SMC3: variants seen among roughly 807,000 people sequenced by gnomAD.
SMC3 encodes the protein structural maintenance of chromosomes protein 3.
A neutral mutation model predicts 171.8 loss-of-function variants in SMC3; 20 were observed. The observed-to-expected ratio is 0.12, with a 90% CI of 0.08 to 0.17. The LOEUF (loss-of-function observed/expected upper bound fraction) is 0.17, where lower values mean the gene tolerates loss of function less well. SMC3 is among the 10% of genes least tolerant of loss of function. The pLI is 1.00. For missense variants in SMC3, 543 were observed against 1,420.4 expected (o/e 0.38, Z 9.93); for synonymous variants, 464 against 451.1 (o/e 1.03, Z -0.36).
intron 1 of SMC3, 77 bp from the exon 2 acceptor site, chr10:110,568,861 A>G (rs1006099716): frequency 2.6e-6 from 2 of 760,234 alleles, no homozygotes; most frequent in African/African-American, 3.2e-5. Context: ...TTAAATGAAA[A>G]ACAAGAAAGA....
intron 18 of SMC3, among the ~76,000 whole-genome samples, chr10:110,594,241 T>G (rs1861258345): frequency 6.6e-6 from 1 of 151,644 alleles, no homozygotes; most frequent in South Asian, 2.1e-4. Flanking sequence ...AAAAGCCACA[T>G]TCAACACAAT....
chr10:110,582,651 AT>A lies in SMC3; in HGVS notation c.804+10del. The A allele has an allele frequency of 1.3e-6, 2 of 1,598,522 alleles. No individual in the cohort carries two copies. Among genetic ancestry groups the A allele is most frequent in the South Asian group, 2.2e-5 (2 of 90,690 alleles). ...CAAGAGATAAAATGGAGGTAAGATT[AT>A]AAACAAGGTTCATGTTAACTTACTT... is the stretch of plus-strand genomic sequence containing the variant. On this transcript the variant is annotated intron_variant, in intron 10 of 28. Coordinates refer to ENST00000361804, the MANE Select transcript of SMC3 (RefSeq NM_005445.4).
At position 110,588,970 on chromosome 10, in the gene SMC3, A is replaced by G. The variant is rs1228982010; in HGVS notation, c.1306-635A>G. ...TTTTTTTTCTAAAATTCTGGAGTGT[A>G]TATTATAGAAATAGGAAGATTTAGA... is the stretch of plus-strand genomic sequence containing the variant. On this transcript the variant is annotated intron_variant, in intron 13 of 28. Coordinates refer to ENST00000361804, the MANE Select transcript of SMC3 (RefSeq NM_005445.4). Among the ~76,000 whole-genome samples the G allele has an allele frequency of 3.9e-5, 6 of 152,286 alleles. No individual in the cohort carries two copies. In the East Asian group the frequency reaches 9.6e-4, roughly 24 times the overall value.
At chr10:110,600,342 C>A in intron 21 of SMC3, 97 bp from the exon 22 acceptor site, 1 of 736,042 alleles carries the variant, frequency 1.4e-6, no homozygotes, top group Non-Finnish European at 2.5e-6. Context: ...TTCATTTCAG[C>A]TCACATGAGC....
chr10:110,599,609 A>G, intron 20 of SMC3, 45 bp from the exon 21 acceptor site: 1 of 1,564,312 alleles, frequency 6.4e-7, no homozygotes, highest in Non-Finnish European at 8.8e-7. Flanking sequence ...ACTATAAGTA[A>G]TACAGTGGCT....
intron 22 of SMC3, 148 bp downstream of exon 22, chr10:110,600,694 A>G: frequency 1.5e-6 from 1 of 666,878 alleles, no homozygotes; most frequent in Non-Finnish European, 2.7e-6. Flanking sequence ...GAATTCTGCC[A>G]CCTAGTGTGT....
At chr10:110,596,589 G>T in intron 19 of SMC3, 39 bp downstream of exon 19, 2 of 1,586,318 alleles carry the variant, frequency 1.3e-6, no homozygotes, top group African/African-American at 1.3e-5. Flanking sequence ...GATATTGTGG[G>T]GGAAGAACTG....
chr10:110,582,003 C>T lies in SMC3; in HGVS notation c.628C>T (p.Leu210=). ...LHTLEEEKEE[L]AQYQKWDKMR... ...TACTCTAGAGGAAGAAAAGGAAGAACTAGCTCAGTATCAGAAGTGGGATAA... is the reference window on the plus strand; with the variant it reads ...TACTCTAGAGGAAGAAAAGGAAGAATTAGCTCAGTATCAGAAGTGGGATAA... The change falls in exon 9 of 29, where the codon CTA becomes TTA. Residue 210 remains leucine (L), a synonymous_variant. Coordinates refer to ENST00000361804, the MANE Select transcript of SMC3 (RefSeq NM_005445.4). The T allele has an allele frequency of 6.2e-7, 1 of 1,612,856 alleles. No homozygotes were observed. The highest frequency in any genetic ancestry group is 8.5e-7 in the Non-Finnish European group (1 of 1,179,000).
intron 9 of SMC3, 42 bp downstream of exon 9, chr10:110,582,140 G>GT (rs1236836591): frequency 1.3e-6 from 2 of 1,548,360 alleles, no homozygotes; most frequent in Admixed American, 3.3e-5. Context: ...GATTAATTTT[G>GT]TTTTTATGAA....
rs966003866 is a variant in SMC3 at position 110,599,649 on chromosome 10, T to C, written c.2269-5T>C. 2.5e-6 allele frequency: 4 copies of C among 1,612,972 alleles called. No homozygotes were observed. In the South Asian group the frequency reaches 3.3e-5, roughly 13 times the overall value. ...CCTTACTAATAAATGGATAATGTCA[T>C]ATAGCAACGTAGCTTACAGAGTTTG... On this transcript the variant is annotated splice_polypyrimidine_tract_variant and splice_region_variant and intron_variant, in intron 20 of 28. Coordinates refer to ENST00000361804, the MANE Select transcript of SMC3 (RefSeq NM_005445.4).
chr10:110,576,018 A>G (rs1048710915), intron 4 of SMC3, among the ~76,000 whole-genome samples: 2 of 152,208 alleles, frequency 1.3e-5, no homozygotes, highest in African/African-American at 2.4e-5. Flanking sequence ...ATTTTCCAGT[A>G]TGAAAAACAG....
Position 110,601,698 on chromosome 10 carries a change from G to A in SMC3, c.2706G>A (p.Glu902=), listed in dbSNP as rs1277890965. ...AGIKELQKSM[E]RWKNMEKEHM... ...TTAAGGAGCTTCAGAAGAGTATGGA[G>A]CGCTGGAAAAATATGGAAAAAGAAC... Residue 902 remains glutamate, a synonymous_variant, in exon 24 of 29, where the codon GAG becomes GAA. Coordinates refer to ENST00000361804, the MANE Select transcript of SMC3 (RefSeq NM_005445.4). 1.2e-6 allele frequency: 2 copies of A among 1,612,998 alleles called. No individual in the cohort carries two copies. Among genetic ancestry groups the A allele is most frequent in the Non-Finnish European group, 1.7e-6 (2 of 1,179,476 alleles).
chr10:110,567,861 A>G (rs1164966457), intron 1 of SMC3, 30 bp downstream of exon 1: 3 of 1,612,918 alleles, frequency 1.9e-6, no homozygotes, highest in African/African-American at 1.3e-5. Context: ...CCACCCCGTC[A>G]TGGGCCGGTA....
chr10:110,603,659 G>T (rs182042886), intron 28 of SMC3, among the ~76,000 whole-genome samples: 39 of 152,234 alleles, frequency 2.6e-4, no homozygotes, highest in Non-Finnish European at 1.5e-5. Flanking sequence ...TGAACAAAAA[G>T]GTAGTTTAGA....
rs925680066 is a variant in SMC3 at position 110,605,149 on chromosome 10, C to T, written c.*847C>T. ...CTCATATAATAGTACATATTATTAA[C>T]ATGTTTTATCACTGATGTTTACCTT... On this transcript the variant is annotated 3_prime_UTR_variant, in exon 29 of 29. Coordinates refer to ENST00000361804, the MANE Select transcript of SMC3 (RefSeq NM_005445.4). Among the ~76,000 whole-genome samples, 1 of 152,140 alleles carries T rather than the reference C, an allele frequency of 6.6e-6. No individual in the cohort carries two copies. Among genetic ancestry groups the T allele is most frequent in the Admixed American group, 6.5e-5 (1 of 15,278 alleles).
At chr10:110,569,366 T>C (rs1426044134) in intron 2 of SMC3, among the ~76,000 whole-genome samples, 1 of 152,144 alleles carries the variant, frequency 6.6e-6, no homozygotes, top group Non-Finnish European at 1.5e-5. Flanking sequence ...ACAAAGTAGA[T>C]GCCAGGATTC....
At chr10:110,581,097 A>AAT in intron 8 of SMC3, 76 bp downstream of exon 8, 1 of 817,758 alleles carries the variant, frequency 1.2e-6, no homozygotes, top group Non-Finnish European at 2.2e-6. Flanking sequence ...CCATGATGGG[A>AAT]ATATAGTAGG....
intron 25 of SMC3, 25 bp downstream of exon 25, chr10:110,602,203 CAT>C (rs769771594): frequency 1.4e-5 from 22 of 1,574,974 alleles, no homozygotes; most frequent in Non-Finnish European, 1.7e-5. Flanking sequence ...GTAGTTAAAA[CAT>C]ACACACAGAG....
At chr10:110,595,917 CTTTTTTTTTTT>C (rs10639343) in intron 18 of SMC3, among the ~76,000 whole-genome samples, 3 of 101,608 alleles carry the variant, frequency 3.0e-5, no homozygotes, top group African/African-American at 1.2e-4. Context: ...ACTGGAGGTT[CTTTTTTTTTTT>C]TTTTTTTTTT....
Sources: allele counts gnomAD v4.1 joint callset (sites outside exome capture counted in the v4.1 genomes callset), GRCh38; gene constraint gnomAD v4.1.1; transcripts MANE v1.5; gene names NCBI Gene and HGNC (gene_info 2026-07-23, HGNC 2026-07-21).